TBC1D22A: variants seen among roughly 807,000 people sequenced by gnomAD.
TBC1D22A encodes TBC1 domain family member 22A.
TBC1D22A carries 38 observed loss-of-function variants against 60.2 expected under a neutral mutation model. That is an observed-to-expected ratio of 0.63 (90% CI 0.49 to 0.83). The LOEUF (loss-of-function observed/expected upper bound fraction) is 0.83, where lower values mean the gene tolerates loss of function less well. Among genes scored for constraint, TBC1D22A ranks in the 40% least tolerant of loss-of-function variants. TBC1D22A has a pLI of 0.00. For missense variants in TBC1D22A, 628 were observed against 701.0 expected (o/e 0.90, Z 1.18); for synonymous variants, 302 against 281.7 (o/e 1.07, Z -0.72).
chr22:47,153,576 G>A lies in TBC1D22A; in HGVS notation c.1426-19922G>A, dbSNP rs564691099. Among the ~76,000 whole-genome samples the A allele has an allele frequency of 2.6e-5, 4 of 152,190 alleles. No homozygotes were observed. The East Asian group carries it at 5.8e-4, about 22-fold the overall frequency. On this transcript the variant is annotated intron_variant, in intron 12 of 12. Coordinates refer to ENST00000337137, the MANE Select transcript of TBC1D22A (RefSeq NM_014346.5). ...TAAGGAGGCGGCCATGCAGGTGGAC[G>A]GGCAAGGGAAAAGGGAGGAGCTGTG...
intron 4 of TBC1D22A, among the ~76,000 whole-genome samples, chr22:46,830,346 T>A (rs533117112): frequency 3.9e-5 from 6 of 152,320 alleles, no homozygotes; most frequent in Admixed American, 3.9e-4. Flanking sequence ...GGTAGGGCCC[T>A]ATTCTCAATA....
At chr22:46,962,950 A>C (rs1286752904) in intron 8 of TBC1D22A, among the ~76,000 whole-genome samples, 1 of 151,964 alleles carries the variant, frequency 6.6e-6, no homozygotes. Context: ...GCAGTGGCTC[A>C]TGCCTGTAAT....
At chr22:46,924,597 T>C (rs1445710196) in intron 8 of TBC1D22A, among the ~76,000 whole-genome samples, 1 of 152,030 alleles carries the variant, frequency 6.6e-6, no homozygotes, top group Non-Finnish European at 1.5e-5. Flanking sequence ...ATACAAACAT[T>C]AGCTGGGCAT....
intron 4 of TBC1D22A, among the ~76,000 whole-genome samples, chr22:46,835,509 G>T (rs2086479251): frequency 6.6e-6 from 1 of 152,170 alleles, no homozygotes; most frequent in Admixed American, 6.5e-5. Context: ...GAATCAGTAG[G>T]CTCAAAGACA....
intron 4 of TBC1D22A, among the ~76,000 whole-genome samples, chr22:46,823,156 G>A (rs552755863): frequency 3.3e-5 from 5 of 152,246 alleles, no homozygotes; most frequent in East Asian, 3.9e-4. Flanking sequence ...GTAGGAGGCC[G>A]AATGAGGTAT....
At chr22:47,053,717 A>G (rs2063302257) in intron 11 of TBC1D22A, among the ~76,000 whole-genome samples, 1 of 152,244 alleles carries the variant, frequency 6.6e-6, no homozygotes, top group Non-Finnish European at 1.5e-5. Context: ...AATTTTGCTG[A>G]GTCAGCTGAC....
At chr22:47,018,711 C>G (rs1164221076) in intron 10 of TBC1D22A, among the ~76,000 whole-genome samples, 4 of 152,096 alleles carry the variant, frequency 2.6e-5, no homozygotes, top group Admixed American at 2.6e-4. Context: ...CCCCCACCAC[C>G]GTGTCTCCTG....
At chr22:47,090,522 A>G (rs73170440) in intron 11 of TBC1D22A, among the ~76,000 whole-genome samples, 8,151 of 152,102 alleles carry the variant, frequency 0.054, 292 homozygotes, top group Admixed American at 0.13. Flanking sequence ...GAAAATGAGC[A>G]CCTGTGTCCC....
intron 8 of TBC1D22A, among the ~76,000 whole-genome samples, chr22:46,941,809 A>ACG (rs1215845618): frequency 3.7e-5 from 5 of 136,028 alleles, no homozygotes; most frequent in African/African-American, 9.2e-5. Flanking sequence ...GAATATATAT[A>ACG]GAATATATAT....
At chr22:46,904,612 G>T (rs1221797362) in intron 7 of TBC1D22A, among the ~76,000 whole-genome samples, 1 of 151,880 alleles carries the variant, frequency 6.6e-6, no homozygotes, top group Non-Finnish European at 1.5e-5. Flanking sequence ...GGGATTACAG[G>T]CGCCCGCCAC....
rs894480333 is a variant in TBC1D22A, at chr22:46,777,530, G to A, written c.62+14682G>A. Among the ~76,000 whole-genome samples, 2 of 152,168 alleles carry A rather than the reference G, an allele frequency of 1.3e-5. No individual in the cohort carries two copies. Among genetic ancestry groups the A allele is most frequent in the East Asian group, 3.9e-4 (2 of 5,188 alleles). On this transcript the variant is annotated intron_variant, in intron 1 of 12. Coordinates refer to ENST00000337137, the MANE Select transcript of TBC1D22A (RefSeq NM_014346.5). The surrounding 1 kb of genome is among the most constrained non-coding windows in gnomAD (Gnocchi z 4.5). ...CGTTTACTCGGGTGGAGGAGGTCAGGAGAGAGCATGATTTTTCATAAGAGA... is the reference window on the plus strand; with the variant it reads ...CGTTTACTCGGGTGGAGGAGGTCAGAAGAGAGCATGATTTTTCATAAGAGA...
intron 11 of TBC1D22A, among the ~76,000 whole-genome samples, chr22:47,050,920 G>C (rs1285731667): frequency 1.3e-5 from 2 of 152,180 alleles, no homozygotes; most frequent in Non-Finnish European, 2.9e-5. Context: ...GGATGAGGAG[G>C]GCGGCCACAC....
intron 4 of TBC1D22A, among the ~76,000 whole-genome samples, chr22:46,866,742 G>A (rs543443474): frequency 5.5e-4 from 84 of 152,356 alleles, no homozygotes; most frequent in Non-Finnish European, 8.4e-4. Context: ...ACTGACGACA[G>A]CTGATGAGAC....
At chr22:47,134,711 A>G (rs2066800338) in intron 12 of TBC1D22A, among the ~76,000 whole-genome samples, 1 of 146,322 alleles carries the variant, frequency 6.8e-6, no homozygotes, top group African/African-American at 2.5e-5. Flanking sequence ...CTTCACTACC[A>G]AACCCCTGGA....
At chr22:47,158,072 C>T (rs765017027) in intron 12 of TBC1D22A, among the ~76,000 whole-genome samples, 1 of 152,212 alleles carries the variant, frequency 6.6e-6, no homozygotes, top group African/African-American at 2.4e-5. Context: ...TCTGTGAGGG[C>T]GCGTCTCACC....
intron 12 of TBC1D22A, among the ~76,000 whole-genome samples, chr22:47,141,239 C>T (rs1019798784): frequency 3.3e-5 from 5 of 152,090 alleles, no homozygotes; most frequent in Admixed American, 2.6e-4. Context: ...GACCTCCTGC[C>T]GGGCCCCTCC....
At chr22:46,948,017 C>T (rs762863734) in intron 8 of TBC1D22A, among the ~76,000 whole-genome samples, 13 of 152,208 alleles carry the variant, frequency 8.5e-5, no homozygotes, top group Non-Finnish European at 1.8e-4. Flanking sequence ...GCTCTTTGTA[C>T]ACTTGCATAA....
chr22:47,062,183 C>T (rs908497038), intron 11 of TBC1D22A, among the ~76,000 whole-genome samples: 5 of 151,964 alleles, frequency 3.3e-5, no homozygotes, highest in South Asian at 2.1e-4. Flanking sequence ...CCCAGGGTTC[C>T]GGCAGTGTGG....
At chr22:46,774,093 T>G (rs1194127913) in intron 1 of TBC1D22A, 1 of 985,502 alleles carries the variant, frequency 1.0e-6, no homozygotes, top group Admixed American at 6.2e-5. Context: ...CCCGCACCCA[T>G]CCTCCTGTTT....
Sources: allele counts gnomAD v4.1 joint callset (sites outside exome capture counted in the v4.1 genomes callset), GRCh38; gene constraint gnomAD v4.1.1; non-coding constraint Gnocchi (gnomAD v3.1); transcripts MANE v1.5; gene names NCBI Gene and HGNC (gene_info 2026-07-23, HGNC 2026-07-21).